The following ASIC4 variants were observed in gnomAD, a reference collection of about 807,000 sequenced individuals.
ASIC4 encodes acid-sensing ion channel 4.
A neutral mutation model predicts 53.4 loss-of-function variants in ASIC4; 28 were observed. That is an observed-to-expected ratio of 0.52 (90% CI 0.39 to 0.72). The LOEUF is 0.72. Among genes scored for constraint, ASIC4 ranks in the 30% least tolerant of loss-of-function variants. ASIC4 has a pLI of 0.00. For synonymous variants in ASIC4, 289 were observed against 301.4 expected, an observed-to-expected ratio of 0.96 and a Z score of 0.43; for missense variants, 649 against 729.7, an observed-to-expected ratio of 0.89 and a Z score of 1.27.
chr2:219,537,249 C>CG lies in ASIC4; in HGVS notation c.1334dup (p.Gln446ThrfsTer22), dbSNP rs1695155039. On this transcript the variant is annotated frameshift_variant, in exon 8 of 10. Coordinates refer to ENST00000358078, the MANE Select transcript of ASIC4 (RefSeq NM_018674.6). LOFTEE classifies it high-confidence loss of function. This position sits in a 1 kb window ranked among gnomAD's most constrained non-coding sequence, Gnocchi z 4.9. ...TGCTCTCCTGCTTCCCAGGAGACCT[C>CG]GGGGGACAGATGGGCCTGTTCATTG... The CG allele has an allele frequency of 9.9e-6, 16 of 1,613,422 alleles. No homozygotes were observed. Among genetic ancestry groups the CG allele is most frequent in the Non-Finnish European group, 1.4e-5 (16 of 1,179,762 alleles).
chr2:219,520,805 G>T lies in ASIC4; in HGVS notation c.582+5499G>T, dbSNP rs77077691. Among the ~76,000 whole-genome samples, 170 of 152,290 alleles carry T rather than the reference G, an allele frequency of 1.1e-3. 2 individuals are homozygous for T. Among genetic ancestry groups the T allele is most frequent in the Admixed American group, 9.5e-3 (146 of 15,304 alleles). ...GGAGCCAGGCAGGTCAGGTTGGGGT[G>T]GGGGGATACAGTAGGGAAGGGTGGG... On this transcript the variant is annotated intron_variant, in intron 1 of 9. Coordinates refer to ENST00000358078, the MANE Select transcript of ASIC4 (RefSeq NM_018674.6).
rs1418071856 is a variant in ASIC4, at chr2:219,514,535, C to T, written c.-190C>T. On this transcript the variant is annotated 5_prime_UTR_variant, in exon 1 of 10. Transcript: ENST00000358078. ...AGCAGCGGCAGAGGCAGCACCAGGG[C>T]TGCGGAGCTGCTGGGAGTGGGAGTG... 6.4e-7 allele frequency: 1 copy of T among 1,554,564 alleles called. No individual in the cohort carries two copies. The highest frequency in any genetic ancestry group is 8.7e-7 in the Non-Finnish European group (1 of 1,149,212).
the ASIC4 span, among the ~76,000 whole-genome samples, chr2:219,508,827 A>G: frequency 1.9e-5 from 2 of 104,092 alleles, no homozygotes; most frequent in Non-Finnish European, 3.9e-5. Flanking sequence ...CGGGGGAGGG[A>G]TGCGGGGGAG....
chr2:219,523,603 C>T lies in ASIC4; in HGVS notation c.583-8155C>T, dbSNP rs894755653. Reference sequence around the variant, plus strand: ...TCCTCTTTCTTGAGTGTGGCATTGTCTGATGCCCCTCCTGGGTGAGCCAGG... The same window carrying T: ...TCCTCTTTCTTGAGTGTGGCATTGTTTGATGCCCCTCCTGGGTGAGCCAGG... On this transcript the variant is annotated intron_variant, in intron 1 of 9. Transcript: ENST00000358078. Among the ~76,000 whole-genome samples the T allele has an allele frequency of 3.9e-5, 6 of 152,186 alleles. No individual in the cohort carries two copies. In the South Asian group the frequency reaches 1.2e-3, roughly 32 times the overall value.
At chr2:219,530,777 A>T (rs2125666172) in intron 1 of ASIC4, among the ~76,000 whole-genome samples, 1 of 152,336 alleles carries the variant, frequency 6.6e-6, no homozygotes, top group Non-Finnish European at 1.5e-5. Flanking sequence ...TGTCACAGAC[A>T]TGTGGGGGAG....
chr2:219,513,340 G>T (rs1026682203), upstream of ASIC4, among the ~76,000 whole-genome samples: 1 of 152,030 alleles, frequency 6.6e-6, no homozygotes, highest in African/African-American at 2.4e-5. Flanking sequence ...CACCCTGGGG[G>T]CATGGATGCA....
chr2:219,522,079 G>A (rs115008209), intron 1 of ASIC4, among the ~76,000 whole-genome samples: 5,402 of 152,158 alleles, frequency 0.036, 315 homozygotes, highest in African/African-American at 0.12. Context: ...TGGCAGCGCT[G>A]GAAATCCAAC....
intron 1 of ASIC4, among the ~76,000 whole-genome samples, chr2:219,526,082 C>A (rs990073650): frequency 1.3e-5 from 2 of 152,140 alleles, no homozygotes; most frequent in South Asian, 2.1e-4. Flanking sequence ...CCTGGCCCCG[C>A]TAATTGCCTG....
chr2:219,538,162 C>G lies in ASIC4; in HGVS notation c.*116C>G, dbSNP rs910876703. The stretch of plus-strand genomic sequence containing the variant: ...GGTGCTCACTGGGAGGGCCAGGACT[C>G]AGTTCCTGCTCTCATCCTCCCCTGC... On this transcript the variant is annotated 3_prime_UTR_variant, in exon 10 of 10. Transcript: ENST00000358078. 5 of 862,952 alleles carry G rather than the reference C, an allele frequency of 5.8e-6. No homozygotes were observed. The Admixed American group carries it at 1.0e-4, about 18-fold the overall frequency. The allele number at this position is 862,952 out of a possible 1,614,324, so 53.5% of individuals were successfully genotyped here.
rs1214058706 is a variant in ASIC4, at chr2:219,537,364, G to A, written c.1401+43G>A. On this transcript the variant is annotated intron_variant, in intron 8 of 9. Transcript: ENST00000358078. The surrounding 1 kb of genome is among the most constrained non-coding windows in gnomAD (Gnocchi z 4.9). The stretch of plus-strand genomic sequence containing the variant: ...GGCAGGGTGGGAGTGGGGGCCGTGG[G>A]CAAAGCAGAAGGGGGCAGTGCGGGG... 5 of 1,583,246 alleles carry A rather than the reference G, an allele frequency of 3.2e-6. No individual in the cohort carries two copies. The highest frequency in any genetic ancestry group is 1.8e-5 in the Admixed American group (1 of 55,688).
Position 219,516,874 on chromosome 2 carries a change from G to A in ASIC4, c.582+1568G>A, listed in dbSNP as rs1385614083. The stretch of plus-strand genomic sequence containing the variant: ...GGGGGCATTGGCCTGTTGTCCGGCT[G>A]TACACCCCCTTTCCTAGGGAAAAGC... On this transcript the variant is annotated intron_variant, in intron 1 of 9. Coordinates refer to ENST00000358078, the MANE Select transcript of ASIC4 (RefSeq NM_018674.6). This position sits in a 1 kb window ranked among gnomAD's most constrained non-coding sequence, Gnocchi z 4.9. The A allele has an allele frequency of 2.0e-5, 3 of 152,398 alleles. No homozygotes were observed. The highest frequency in any genetic ancestry group is 2.4e-5 in the African/African-American group (1 of 41,472). 9.4% of individuals were successfully genotyped at this position (152,398 alleles called of 1,614,324 possible).
chr2:219,513,898 C>T (rs1003856333), upstream of ASIC4, among the ~76,000 whole-genome samples: 5 of 152,216 alleles, frequency 3.3e-5, no homozygotes, highest in Non-Finnish European at 5.9e-5. Flanking sequence ...CAGTTGTCCC[C>T]TGGTCTGTCT....
Position 219,532,085 on chromosome 2 carries a change from T to C in ASIC4, c.812T>C (p.Val271Ala). ...TACATCCACCAGCTGGGGTTCGGGG[T>C]GTCCCCAGGCTTCCAGACCTTTGTG... The part of the protein sequence containing the change: ...PPYIHQLGFG[V>A]SPGFQTFVSC... Residue 271 changes from valine (V) to alanine (A), a missense_variant, in exon 3 of 10, where the codon GTG becomes GCG. Val to Ala is a moderately conservative substitution (Grantham distance 64). Transcript: ENST00000358078. The C allele has an allele frequency of 1.2e-6, 2 of 1,614,160 alleles. No individual in the cohort carries two copies. Among genetic ancestry groups the C allele is most frequent in the Non-Finnish European group, 1.7e-6 (2 of 1,180,016 alleles).
At chr2:219,512,945 G>A (rs1209862170), upstream of ASIC4, among the ~76,000 whole-genome samples, 1 of 152,212 alleles carries the variant, frequency 6.6e-6, no homozygotes, top group African/African-American at 2.4e-5. Flanking sequence ...TGGCCTTGCA[G>A]CCAGGGTGGG....
At chr2:219,521,563 G>C (rs1694885009) in intron 1 of ASIC4, among the ~76,000 whole-genome samples, 1 of 152,156 alleles carries the variant, frequency 6.6e-6, no homozygotes, top group Non-Finnish European at 1.5e-5. Flanking sequence ...GCACTACAGG[G>C]AGCATTGGAA....
chr2:219,509,093 G>T, the ASIC4 span, among the ~76,000 whole-genome samples: 2 of 152,098 alleles, frequency 1.3e-5, no homozygotes, highest in East Asian at 3.9e-4. The surrounding 1 kb of genome is among the most constrained non-coding windows in gnomAD (Gnocchi z 5.2). Context: ...GACAGGGTGG[G>T]GTGGGGGCAG....
Position 219,531,765 on chromosome 2 carries a change from C to T in ASIC4, c.590C>T (p.Thr197Ile). Residue 197 changes from threonine (T) to isoleucine (I), a missense_variant, in exon 2 of 10, where the codon ACT (threonine) becomes ATT (isoleucine). Thr to Ile is a moderately conservative substitution (Grantham distance 89). Coordinates refer to ENST00000358078, the MANE Select transcript of ASIC4 (RefSeq NM_018674.6). ...TCTCACCCCACCTCCCAGGTCTATA[C>T]TCGCTATGGGAAGTGTTACACCTTC... ...CSASNFSVVY[T>I]RYGKCYTFNA... The T allele has an allele frequency of 6.3e-7, 1 of 1,596,824 alleles. No homozygotes were observed. Among genetic ancestry groups the T allele is most frequent in the Non-Finnish European group, 8.5e-7 (1 of 1,171,496 alleles).
intron 1 of ASIC4, among the ~76,000 whole-genome samples, chr2:219,531,419 A>T (rs1306551016): frequency 6.6e-6 from 1 of 151,404 alleles, no homozygotes; most frequent in Non-Finnish European, 1.5e-5. Context: ...GCTTGGATGC[A>T]GGAGTGATGG....
chr2:219,537,436 T>C lies in ASIC4; in HGVS notation c.1401+115T>C. On this transcript the variant is annotated intron_variant, in intron 8 of 9. Transcript: ENST00000358078. This position sits in a 1 kb window ranked among gnomAD's most constrained non-coding sequence, Gnocchi z 4.9. Reference sequence around the variant, plus strand: ...CTGGAAAGTCAGGTTCAGGGTTCTCTGCCAGGGTCCCCTGACTGGCTGGCA... The same window carrying C: ...CTGGAAAGTCAGGTTCAGGGTTCTCCGCCAGGGTCCCCTGACTGGCTGGCA... The C allele has an allele frequency of 7.7e-7, 1 of 1,293,342 alleles. No homozygotes were observed. The highest frequency in any genetic ancestry group is 1.1e-6 in the Non-Finnish European group (1 of 923,444). 80.1% of individuals were successfully genotyped at this position (1,293,342 alleles called of 1,614,324 possible).
Sources: gnomAD v4.1 joint callset for allele counts (sites outside exome capture counted in the v4.1 genomes callset) on GRCh38, gnomAD v4.1.1 for gene constraint, Gnocchi (gnomAD v3.1) non-coding constraint, MANE v1.5 for transcripts, NCBI Gene and HGNC (gene_info 2026-07-23, HGNC 2026-07-21) for gene names.